Variants in ZNF236 observed in about 807,000 individuals in gnomAD.
The protein encoded by ZNF236 is zinc finger protein 236, also known as regulated by glucose.
ZNF236 carries 50 observed loss-of-function variants against 191.2 expected under a neutral mutation model. The ratio of observed to expected loss-of-function variants is 0.26; its 90% confidence interval spans 0.21 to 0.33. The LOEUF (loss-of-function observed/expected upper bound fraction) is 0.33. Ranked by LOEUF, ZNF236 falls within the 10% of genes least tolerant of loss-of-function variation. ZNF236 has a pLI of 1.00. For missense variants in ZNF236, 1,754 were observed against 2,374.5 expected (o/e 0.74, Z 5.43); for synonymous variants, 907 against 928.8 (o/e 0.98, Z 0.43).
intron 26 of ZNF236, among the ~76,000 whole-genome samples, chr18:76,939,113 G>C (rs1968070025): frequency 6.6e-6 from 1 of 152,116 alleles, no homozygotes; most frequent in South Asian, 2.1e-4. Context: ...GCCGAGATGG[G>C]CTTGAGGTGA....
At chr18:76,908,197 T>C in intron 13 of ZNF236, 123 bp from the exon 14 acceptor site, 2 of 1,342,032 alleles carry the variant, frequency 1.5e-6, no homozygotes, top group Non-Finnish European at 2.0e-6. Flanking sequence ...CCATCATGAC[T>C]TCAAAATGAA....
At chr18:76,938,226 CAAA>C (rs1472294445) in intron 26 of ZNF236, among the ~76,000 whole-genome samples, 1 of 151,730 alleles carries the variant, frequency 6.6e-6, no homozygotes, top group Admixed American at 6.6e-5. Context: ...TCTGTCTCTA[CAAA>C]AAATAAAAAA....
rs562765072 is a variant in ZNF236, at chr18:76,905,342, C to T, written c.2224C>T (p.Pro742Ser). The change falls in exon 13 of 31, where the codon CCC (proline) becomes TCC (serine). Residue 742 changes from proline to serine, a missense_variant. Physicochemically the swap from Pro to Ser is moderately conservative, Grantham distance 74. Transcript: ENST00000320610. Reference sequence around the variant, plus strand: ...CATGGGTATCCACAACGACCTTCGTCCCTATATGTGTCCCTATTGCCAAAA... The same window carrying T: ...CATGGGTATCCACAACGACCTTCGTTCCTATATGTGTCCCTATTGCCAAAA... ...RHMGIHNDLRPYMCPYCQKTF... is the reference protein window; with the variant it reads ...RHMGIHNDLRSYMCPYCQKTF... The T allele has an allele frequency of 6.2e-7, 1 of 1,614,142 alleles. No homozygotes were observed. Among genetic ancestry groups the T allele is most frequent in the African/African-American group, 1.3e-5 (1 of 75,020 alleles).
chr18:76,949,896 G>C (rs926627062), intron 27 of ZNF236, among the ~76,000 whole-genome samples: 1 of 152,042 alleles, frequency 6.6e-6, no homozygotes, highest in African/African-American at 2.4e-5. Flanking sequence ...GAGCTCAAGT[G>C]ATCGCCCACC....
intron 25 of ZNF236, among the ~76,000 whole-genome samples, chr18:76,930,511 G>C (rs1967817194): frequency 6.6e-6 from 1 of 152,202 alleles, no homozygotes; most frequent in Non-Finnish European, 1.5e-5. Context: ...TATCATTACA[G>C]TAGCTGATGA....
intron 28 of ZNF236, 78 bp downstream of exon 28, chr18:76,956,260 C>T (rs1300415120): frequency 3.1e-5 from 46 of 1,491,738 alleles, no homozygotes; most frequent in Non-Finnish European, 3.7e-5. Context: ...TAACACTGGC[C>T]GGGAATCTGG....
chr18:76,829,758 T>C (rs1568184070), intron 1 of ZNF236, among the ~76,000 whole-genome samples: 1 of 152,264 alleles, frequency 6.6e-6, no homozygotes, highest in Non-Finnish European at 1.5e-5. Context: ...GGTGAGGAGC[T>C]TCATGAGTTT....
rs556176664 is a variant in ZNF236 at position 76,880,428 on chromosome 18, T to C, written c.1188+112T>C. 1.3e-4 allele frequency: 150 copies of C among 1,144,044 alleles called. 1 individual carries two copies. The African/African-American group carries it at 2.2e-3, about 17-fold the overall frequency. The allele number at this position is 1,144,044 out of a possible 1,614,324, so 70.9% of individuals were successfully genotyped here. On this transcript the variant is annotated intron_variant, in intron 8 of 30. Coordinates refer to ENST00000320610, the MANE Select transcript of ZNF236 (RefSeq NM_001306089.2). This position sits in a 1 kb window ranked among gnomAD's most constrained non-coding sequence, Gnocchi z 5.0. ...GCTTGTCAAAGTCAGGGTATCCTCA[T>C]GAAAAATGTGCCTGAACCGAAAGAA...
At chr18:76,895,716 AC>A (rs1478584979) in intron 10 of ZNF236, among the ~76,000 whole-genome samples, 1 of 151,586 alleles carries the variant, frequency 6.6e-6, no homozygotes, top group Non-Finnish European at 1.5e-5. Flanking sequence ...AGTACTGCTC[AC>A]GGGTATGGCC....
chr18:76,927,077 G>A lies in ZNF236; in HGVS notation c.4068G>A (p.Leu1356=). The change falls in exon 23 of 31, where the codon CTG becomes CTA. Residue 1356 remains leucine (L), a synonymous_variant. Coordinates refer to ENST00000320610, the MANE Select transcript of ZNF236 (RefSeq NM_001306089.2). This position sits in a 1 kb window ranked among gnomAD's most constrained non-coding sequence, Gnocchi z 5.4. ...DLTVSLTDGS[L]ATLEGIQLQL... ...CCGTGTCTCTGACAGATGGGAGCCT[G>A]GCTACCCTAGAAGGCATCCAGTTAC... is the stretch of plus-strand genomic sequence containing the variant. 2 of 1,613,874 alleles carry A rather than the reference G, an allele frequency of 1.2e-6. No homozygotes were observed. Among genetic ancestry groups the A allele is most frequent in the Non-Finnish European group, 1.7e-6 (2 of 1,179,840 alleles).
intron 7 of ZNF236, among the ~76,000 whole-genome samples, 186 bp from the exon 8 acceptor site, chr18:76,879,927 A>G (rs752496812): frequency 3.9e-5 from 6 of 152,170 alleles, no homozygotes; most frequent in Non-Finnish European, 7.3e-5. Context: ...TGTATTGAGT[A>G]TATTAAGAGC....
chr18:76,903,154 A>G (rs528743910), intron 11 of ZNF236, among the ~76,000 whole-genome samples: 5 of 152,344 alleles, frequency 3.3e-5, no homozygotes, highest in South Asian at 2.1e-4. Flanking sequence ...CTTAAATCTA[A>G]TAATGAGCTA....
intron 28 of ZNF236, 29 bp from the exon 29 acceptor site, chr18:76,959,658 T>C: frequency 6.3e-7 from 1 of 1,578,954 alleles, no homozygotes; most frequent in African/African-American, 1.4e-5. Context: ...TTTGATCTTG[T>C]TTCTTGGTTT....
chr18:76,910,884 A>G, intron 16 of ZNF236, 73 bp downstream of exon 16: 3 of 1,543,966 alleles, frequency 1.9e-6, no homozygotes, highest in Non-Finnish European at 1.8e-6. Flanking sequence ...TGTCATTATT[A>G]AAAATTTCCT....
At chr18:76,931,650 G>A (rs769373286) in intron 25 of ZNF236, among the ~76,000 whole-genome samples, 2 of 152,094 alleles carry the variant, frequency 1.3e-5, no homozygotes, top group Non-Finnish European at 2.9e-5. Context: ...TGGAAAGGAG[G>A]CAGCTTTCTA....
intron 11 of ZNF236, 66 bp downstream of exon 11, chr18:76,899,288 T>C (rs1294890115): frequency 8.0e-6 from 11 of 1,370,492 alleles, no homozygotes; most frequent in Admixed American, 1.9e-5. Flanking sequence ...TTTTGTGAAT[T>C]GTGTACACAC....
At chr18:76,887,058 G>A (rs1338177837) in intron 9 of ZNF236, 1 of 154,088 alleles carries the variant, frequency 6.5e-6, no homozygotes, top group Non-Finnish European at 1.5e-5. Context: ...GAAAAACCCA[G>A]CAGACTGTAG....
At chr18:76,953,577 C>A (rs1056086438) in intron 27 of ZNF236, among the ~76,000 whole-genome samples, 17 of 152,216 alleles carry the variant, frequency 1.1e-4, no homozygotes, top group Non-Finnish European at 2.2e-4. Context: ...TCTCACTCTT[C>A]ATGTCTGAAT....
intron 25 of ZNF236, among the ~76,000 whole-genome samples, chr18:76,936,733 T>C (rs17060110): frequency 0.032 from 4,734 of 150,212 alleles, 244 homozygotes; most frequent in African/African-American, 0.11. Flanking sequence ...GTCTCTTCAG[T>C]TGTGGATGGG....
Sources: allele counts gnomAD v4.1 joint callset (sites outside exome capture counted in the v4.1 genomes callset), GRCh38; gene constraint gnomAD v4.1.1; non-coding constraint Gnocchi (gnomAD v3.1); transcripts MANE v1.5; gene names NCBI Gene and HGNC (gene_info 2026-07-23, HGNC 2026-07-21).